The following NPRL3 variants were observed in gnomAD, a reference collection of about 807,000 sequenced individuals.
NPRL3 encodes the protein GATOR1 complex protein NPRL3.
NPRL3 carries 23 observed loss-of-function variants against 57.2 expected under a neutral mutation model. The ratio of observed to expected loss-of-function variants is 0.40; its 90% confidence interval spans 0.29 to 0.57. The LOEUF (loss-of-function observed/expected upper bound fraction) is 0.57, where lower values mean the gene tolerates loss of function less well. NPRL3 is among the 20% of genes least tolerant of loss of function. NPRL3 has a pLI of 0.42. For synonymous variants in NPRL3, 333 were observed against 321.1 expected (o/e 1.04, Z -0.39); for missense variants, 691 against 767.1 (o/e 0.90, Z 1.17).
At chr16:118,977 G>T in intron 4 of NPRL3, 149 bp downstream of exon 4, 1 of 1,189,722 alleles carries the variant, frequency 8.4e-7, no homozygotes, top group Non-Finnish European at 1.2e-6. Flanking sequence ...TACCCAGGGG[G>T]AGCCCCACCT....
Position 122,906 on chromosome 16 carries a change from C to T in NPRL3, c.189-3651G>A, listed in dbSNP as rs117463007. 4.5e-3 allele frequency among the ~76,000 whole-genome samples: 679 copies of T among 152,318 alleles called. 1 individual carries two copies. Among genetic ancestry groups the T allele is most frequent in the Non-Finnish European group, 7.8e-3 (532 of 68,034 alleles). On this transcript the variant is annotated intron_variant, in intron 3 of 13. Transcript: ENST00000611875. Reference sequence around the variant, plus strand: ...TGGAAGCTCACAGACACTGTGTGTACCTCCAAGGCCCAGAGGAGATGCACT... The same window carrying T: ...TGGAAGCTCACAGACACTGTGTGTATCTCCAAGGCCCAGAGGAGATGCACT...
intron 9 of NPRL3, 101 bp from the exon 10 acceptor site, chr16:93,426 G>A: frequency 1.3e-6 from 1 of 753,370 alleles, no homozygotes; most frequent in East Asian, 2.7e-5. Context: ...CCAGCCTGGA[G>A]AAGCTGGCCC....
In NPRL3 at chr16:138,365, G is replaced by A. The variant is rs1411663524; in HGVS notation, c.-67-31C>T. The A allele has an allele frequency of 2.4e-5, 20 of 846,994 alleles. 1 individual carries two copies. Among genetic ancestry groups the A allele is most frequent in the South Asian group, 3.7e-5 (2 of 54,148 alleles). 52.5% of individuals were successfully genotyped at this position (846,994 alleles called of 1,614,324 possible). A position where few individuals can be genotyped will look rare whatever the true frequency, so the allele number is the denominator to read the frequency against. On this transcript the variant is annotated intron_variant, in intron 1 of 13. Coordinates refer to ENST00000611875, the MANE Select transcript of NPRL3 (RefSeq NM_001077350.3). ...GAGGACGGAGCCGGAGGCGGAGGGG[G>A]CCTGAGGAGGACGAGGCGGGGACGC...
intron 3 of NPRL3, among the ~76,000 whole-genome samples, chr16:120,601 A>G (rs1023255899): frequency 6.6e-6 from 1 of 152,124 alleles, no homozygotes; most frequent in African/African-American, 2.4e-5. Flanking sequence ...CTCACAAACA[A>G]ACCACATACG....
chr16:93,597 C>T (rs1898861004), intron 9 of NPRL3, among the ~76,000 whole-genome samples: 1 of 145,474 alleles, frequency 6.9e-6, no homozygotes, highest in South Asian at 2.2e-4. Flanking sequence ...GACAGTCTTG[C>T]TCTGTCGCCC....
At chr16:98,021 T>G (rs1596505350) in intron 9 of NPRL3, 124 bp downstream of exon 9, 1 of 1,201,458 alleles carries the variant, frequency 8.3e-7, no homozygotes, top group Non-Finnish European at 1.2e-6. Context: ...CCCCACCCCA[T>G]GGTGGGCTGT....
intron 3 of NPRL3, among the ~76,000 whole-genome samples, chr16:130,052 C>T (rs959001218): frequency 2.0e-5 from 3 of 152,244 alleles, no homozygotes; most frequent in African/African-American, 4.8e-5. Flanking sequence ...CATCAAAGAA[C>T]ATCAAGGTTC....
rs762693960 is a variant in NPRL3 at position 88,902 on chromosome 16, A to G, written c.1352-12T>C. 4.4e-6 allele frequency: 7 copies of G among 1,605,844 alleles called. No homozygotes were observed. In the South Asian group the frequency reaches 6.6e-5, roughly 15 times the overall value. On this transcript the variant is annotated splice_polypyrimidine_tract_variant and intron_variant, in intron 12 of 13. Coordinates refer to ENST00000611875, the MANE Select transcript of NPRL3 (RefSeq NM_001077350.3). Reference sequence around the variant, plus strand: ...GTCATCGCTGCTGGCTGTGGGGGACATGGGTCAGGGTGACCAAGTGGAATT... The same window carrying G: ...GTCATCGCTGCTGGCTGTGGGGGACGTGGGTCAGGGTGACCAAGTGGAATT...
intron 9 of NPRL3, 126 bp downstream of exon 9, chr16:98,019 C>T: frequency 8.4e-7 from 1 of 1,185,944 alleles, no homozygotes; most frequent in African/African-American, 1.5e-5. Flanking sequence ...GGCCCCACCC[C>T]ATGGTGGGCT....
At chr16:127,994 CTTT>C (rs112188139) in intron 3 of NPRL3, among the ~76,000 whole-genome samples, 3 of 133,320 alleles carry the variant, frequency 2.3e-5, no homozygotes, top group Non-Finnish European at 3.2e-5. Context: ...CCATCTTCTT[CTTT>C]TTTTTTTTTT....
At chr16:119,491 T>G (rs934238255) in intron 3 of NPRL3, 16 of 546,828 alleles carry the variant, frequency 2.9e-5, no homozygotes, top group Non-Finnish European at 4.6e-5. Context: ...TGAAGGCACA[T>G]GCTGTCATTT....
At chr16:133,944 A>G (rs1051332169) in intron 2 of NPRL3, among the ~76,000 whole-genome samples, 1 of 152,232 alleles carries the variant, frequency 6.6e-6, no homozygotes, top group African/African-American at 2.4e-5. Context: ...GAACAGCCAG[A>G]ATACACACAA....
intron 2 of NPRL3, 61 bp downstream of exon 2, chr16:138,089 A>G (rs1228123689): frequency 1.5e-6 from 2 of 1,336,996 alleles, no homozygotes; most frequent in Admixed American, 4.0e-5. Context: ...CCCTGGAATG[A>G]GGCGACCCCG....
intron 11 of NPRL3, among the ~76,000 whole-genome samples, chr16:91,819 C>T (rs763363594): frequency 6.6e-6 from 1 of 152,228 alleles, no homozygotes; most frequent in Admixed American, 6.5e-5. Flanking sequence ...ACACCCAGCT[C>T]GTCTGTCTCC....
chr16:85,740 TG>T lies in NPRL3; in HGVS notation c.*964del. 6.6e-7 allele frequency: 1 copy of T among 1,515,974 alleles called. No individual in the cohort carries two copies. The highest frequency in any genetic ancestry group is 8.8e-7 in the Non-Finnish European group (1 of 1,131,092). The allele number at this position is 1,515,974 out of a possible 1,614,324, so 93.9% of individuals were successfully genotyped here. A position where few individuals can be genotyped will look rare whatever the true frequency, so the allele number is the denominator to read the frequency against. ...GTCCGGGGCAGCCCCTGGGTCAGTGTGGTCGACAGAGTGGCTGAGCAGGACA... is the reference window on the plus strand; with the variant it reads ...GTCCGGGGCAGCCCCTGGGTCAGTGTGTCGACAGAGTGGCTGAGCAGGACA... On this transcript the variant is annotated 3_prime_UTR_variant, in exon 14 of 14. Transcript: ENST00000611875.
intron 7 of NPRL3, among the ~76,000 whole-genome samples, chr16:101,308 G>A (rs1291533579): frequency 6.6e-6 from 1 of 152,174 alleles, no homozygotes; most frequent in Non-Finnish European, 1.5e-5. Flanking sequence ...GAGTGTTCCA[G>A]TGGTGAGAAG....
In NPRL3 at chr16:130,228, T is replaced by C. The variant is rs183479199; in HGVS notation, c.188+294A>G. On this transcript the variant is annotated intron_variant, in intron 3 of 13. Coordinates refer to ENST00000611875, the MANE Select transcript of NPRL3 (RefSeq NM_001077350.3). ...AACAACATAGGGGTCTGCTTTCCTCTATGTTTCTTTCATAGGAGATAAACA... is the reference window on the plus strand; with the variant it reads ...AACAACATAGGGGTCTGCTTTCCTCCATGTTTCTTTCATAGGAGATAAACA... Among the ~76,000 whole-genome samples, 286 of 152,334 alleles carry C rather than the reference T, an allele frequency of 1.9e-3. 2 individuals are homozygous for C. The highest frequency in any genetic ancestry group is 0.015 in the South Asian group (73 of 4,830).
At position 112,675 on chromosome 16, in the gene NPRL3, C is replaced by T. The variant is rs770570210; in HGVS notation, c.494G>A (p.Arg165Gln). 3 of 1,608,356 alleles carry T rather than the reference C, an allele frequency of 1.9e-6. No individual in the cohort carries two copies. Among genetic ancestry groups the T allele is most frequent in the Non-Finnish European group, 2.5e-6 (3 of 1,177,378 alleles). ...HEERRCQYLTREAKLILALQD... is the reference protein window; with the variant it reads ...HEERRCQYLTQEAKLILALQD... The stretch of plus-strand genomic sequence containing the variant: ...GAGCGCCAGGATCAGCTTGGCCTCC[C>T]GGGTGAGGTACTGGCAGCGGCGCTC... Residue 165 changes from arginine to glutamine, a missense_variant, in exon 6 of 14, where the codon CGG (arginine) becomes CAG (glutamine). Physicochemically the swap from Arg to Gln is conservative, Grantham distance 43 (BLOSUM62 1). Coordinates refer to ENST00000611875, the MANE Select transcript of NPRL3 (RefSeq NM_001077350.3).
At chr16:136,309 C>T (rs1354937502) in intron 2 of NPRL3, among the ~76,000 whole-genome samples, 4 of 152,236 alleles carry the variant, frequency 2.6e-5, no homozygotes, top group Admixed American at 2.6e-4. Context: ...AGGTTCTGAT[C>T]TACATCAAAG....
Sources: allele counts gnomAD v4.1 joint callset (sites outside exome capture counted in the v4.1 genomes callset), GRCh38; gene constraint gnomAD v4.1.1; transcripts MANE v1.5; gene names NCBI Gene and HGNC (gene_info 2026-07-23, HGNC 2026-07-21).